The following TLN2 variants were observed in gnomAD, a reference collection of about 807,000 sequenced individuals.
TLN2 encodes talin 2, also known as talin-2.
A neutral mutation model predicts 294.7 loss-of-function variants in TLN2; 118 were observed. That is an observed-to-expected ratio of 0.40 (90% CI 0.34 to 0.47). TLN2 has a LOEUF of 0.47. Among genes scored for constraint, TLN2 ranks in the 20% least tolerant of loss-of-function variants. TLN2 has a pLI of 0.84. For synonymous variants in TLN2, 1,431 were observed against 1,304.5 expected (o/e 1.10, Z -2.09); for missense variants, 3,083 against 3,282.2 (o/e 0.94, Z 1.48).
chr15:62,470,966 A>G (rs886737396), intron 1 of TLN2, among the ~76,000 whole-genome samples: 2 of 152,258 alleles, frequency 1.3e-5, no homozygotes, highest in Admixed American at 6.5e-5. Context: ...TACTTGACAT[A>G]TATATGAAGA....
At chr15:62,401,920 T>TAAGA (rs1265113432) in intron 1 of TLN2, among the ~76,000 whole-genome samples, 2 of 152,132 alleles carry the variant, frequency 1.3e-5, no homozygotes, top group African/African-American at 4.8e-5. Context: ...GGCACAACTT[T>TAAGA]GGAGGAAGAA....
At chr15:62,394,714 G>A (rs2032383839) in intron 1 of TLN2, among the ~76,000 whole-genome samples, 2 of 152,216 alleles carry the variant, frequency 1.3e-5, no homozygotes, top group South Asian at 4.1e-4. Context: ...AGTCAGGGTG[G>A]AGGAGGGGAA....
chr15:62,572,530 C>CT (rs1198270500), intron 1 of TLN2, among the ~76,000 whole-genome samples: 1 of 152,142 alleles, frequency 6.6e-6, no homozygotes, highest in African/African-American at 2.4e-5. Context: ...ACAGGGCAGC[C>CT]TTTTTTTCCC....
chr15:62,456,181 G>T (rs1308082331), intron 1 of TLN2, among the ~76,000 whole-genome samples: 1 of 152,102 alleles, frequency 6.6e-6, no homozygotes, highest in African/African-American at 2.4e-5. Flanking sequence ...TTTTCCAAGG[G>T]CCTCTTCACT....
intron 46 of TLN2, among the ~76,000 whole-genome samples, chr15:62,793,380 T>TCTAAGATCTTAG (rs1428448371): frequency 4.6e-4 from 70 of 152,228 alleles, no homozygotes; most frequent in Admixed American, 4.4e-3. Flanking sequence ...TGAAGAAGGC[T>TCTAAGATCTTAG]CTAAGATCTT....
intron 1 of TLN2, among the ~76,000 whole-genome samples, chr15:62,468,269 C>T (rs2037254504): frequency 6.6e-6 from 1 of 152,098 alleles, no homozygotes. Context: ...GTATAGCATG[C>T]TGATTTAAAC....
intron 9 of TLN2, among the ~76,000 whole-genome samples, chr15:62,670,152 G>C (rs527923380): frequency 6.6e-6 from 1 of 152,324 alleles, no homozygotes; most frequent in Admixed American, 6.5e-5. Context: ...GAGAGGGCTT[G>C]ACATGGAGCC....
intron 1 of TLN2, among the ~76,000 whole-genome samples, chr15:62,445,986 CT>C (rs563270324): frequency 8.1e-5 from 12 of 147,906 alleles, no homozygotes; most frequent in East Asian, 2.0e-4. Flanking sequence ...GCTCTGTAGT[CT>C]TTTTTTTTTG....
chr15:62,560,697 A>G (rs1179634653), intron 1 of TLN2, among the ~76,000 whole-genome samples: 1 of 152,244 alleles, frequency 6.6e-6, no homozygotes, highest in South Asian at 2.1e-4. Context: ...GGCATTCTAA[A>G]GTATGTCTTC....
intron 1 of TLN2, among the ~76,000 whole-genome samples, chr15:62,441,047 C>T (rs2035520374): frequency 6.6e-6 from 1 of 152,142 alleles, no homozygotes; most frequent in Admixed American, 6.5e-5. Flanking sequence ...CATTCATGCT[C>T]TGGGACAGCG....
intron 43 of TLN2, among the ~76,000 whole-genome samples, chr15:62,780,939 C>T (rs2064111140): frequency 6.6e-6 from 1 of 152,182 alleles, no homozygotes; most frequent in African/African-American, 2.4e-5. Flanking sequence ...AGGCTGGGAG[C>T]CTCTCCTTGC....
intron 2 of TLN2, among the ~76,000 whole-genome samples, chr15:62,615,401 C>G (rs1157131192): frequency 6.6e-6 from 1 of 152,204 alleles, no homozygotes; most frequent in East Asian, 1.9e-4. Context: ...ACACACTACT[C>G]TAGCAGGCCT....
At chr15:62,634,855 C>A (rs1434419257) in intron 3 of TLN2, among the ~76,000 whole-genome samples, 2 of 152,200 alleles carry the variant, frequency 1.3e-5, no homozygotes, top group South Asian at 4.1e-4. Context: ...AAAGTCTAGT[C>A]CAATCCTTCT....
chr15:62,692,977 G>A (rs576530919), intron 13 of TLN2, 36 bp downstream of exon 13: 8 of 1,555,288 alleles, frequency 5.1e-6, no homozygotes, highest in African/African-American at 2.8e-5. Context: ...AAAGCAAGAC[G>A]GCTTTATTAA....
intron 37 of TLN2, 29 bp from the exon 38 acceptor site, chr15:62,761,652 G>C: frequency 6.2e-7 from 1 of 1,613,648 alleles, no homozygotes. Flanking sequence ...TTCTCAATTG[G>C]GCAGAATCTC....
At chr15:62,667,433 C>G (rs1291534147) in intron 9 of TLN2, among the ~76,000 whole-genome samples, 1 of 152,208 alleles carries the variant, frequency 6.6e-6, no homozygotes, top group East Asian at 1.9e-4. Flanking sequence ...TTGGGTGATG[C>G]TGTCCCTATT....
intron 1 of TLN2, among the ~76,000 whole-genome samples, chr15:62,413,507 C>G (rs1316777525): frequency 6.6e-6 from 1 of 152,158 alleles, no homozygotes; most frequent in Non-Finnish European, 1.5e-5. Context: ...ATGCTATACC[C>G]GGCTGTTTCT....
intron 1 of TLN2, among the ~76,000 whole-genome samples, chr15:62,546,230 A>G (rs1007547353): frequency 5.3e-5 from 8 of 152,192 alleles, no homozygotes; most frequent in African/African-American, 1.9e-4. Flanking sequence ...AGTTGCTGCA[A>G]ACCACTTGGC....
chr15:62,581,925 TCC>T (rs2045076526), intron 1 of TLN2, among the ~76,000 whole-genome samples: 1 of 151,642 alleles, frequency 6.6e-6, no homozygotes, highest in African/African-American at 2.4e-5. Context: ...GAGTCTGTAG[TCC>T]CAGCTACCCA....
Sources: allele counts gnomAD v4.1 joint callset (sites outside exome capture counted in the v4.1 genomes callset), GRCh38; gene constraint gnomAD v4.1.1; transcripts MANE v1.5; gene names NCBI Gene and HGNC (gene_info 2026-07-23, HGNC 2026-07-21).